GCLM: variants seen among roughly 807,000 people sequenced by gnomAD.
The protein encoded by GCLM is glutamate--cysteine ligase regulatory subunit.
In GCLM, 15 loss-of-function variants were observed where a neutral mutation model predicts 36.0. The observed-to-expected ratio is 0.42, with a 90% CI of 0.28 to 0.64. GCLM has a LOEUF of 0.64. GCLM is among the 30% of genes least tolerant of loss of function. GCLM has a pLI of 0.25. For synonymous variants in GCLM, 129 were observed against 122.8 expected (o/e 1.05, Z -0.34); for missense variants, 242 against 325.5 (o/e 0.74, Z 1.97).
intron 4 of GCLM, among the ~76,000 whole-genome samples, chr1:93,897,479 C>A (rs188865233): frequency 3.4e-4 from 51 of 150,584 alleles, no homozygotes; most frequent in Non-Finnish European, 4.6e-4. Flanking sequence ...TCACAATAAC[C>A]TAAGTGCTAA....
rs34212520 is a variant in GCLM, at chr1:93,886,125, C to G, written c.*2865G>C. On this transcript the variant is annotated 3_prime_UTR_variant, in exon 7 of 7. Coordinates refer to ENST00000370238, the MANE Select transcript of GCLM (RefSeq NM_002061.4). ...TTCATGGATGGGAATTCAAGATAGA[C>G]TCATAACAGAACAAATTCCAAGTTA... 3.3e-5 allele frequency: 5 copies of G among 151,994 alleles called. No individual in the cohort carries two copies. Among genetic ancestry groups the G allele is most frequent in the Admixed American group, 3.3e-4 (5 of 15,264 alleles). 9.4% of individuals were successfully genotyped at this position (151,994 alleles called of 1,614,324 possible).
intron 5 of GCLM, among the ~76,000 whole-genome samples, chr1:93,896,257 G>A (rs757452219): frequency 3.9e-5 from 6 of 151,946 alleles, no homozygotes; most frequent in African/African-American, 9.7e-5. Flanking sequence ...CACCACACCC[G>A]GCCGTAAGGT....
chr1:93,898,896 C>A (rs1305476896), intron 3 of GCLM, among the ~76,000 whole-genome samples: 1 of 152,124 alleles, frequency 6.6e-6, no homozygotes, highest in African/African-American at 2.4e-5. Context: ...AGCACCACAC[C>A]AGGCCAAGAT....
Position 93,885,823 on chromosome 1 carries a change from A to C in GCLM, c.*3167T>G, listed in dbSNP as rs779602689. On this transcript the variant is annotated 3_prime_UTR_variant, in exon 7 of 7. Coordinates refer to ENST00000370238, the MANE Select transcript of GCLM (RefSeq NM_002061.4). ...TGAAAAATCTAGAAAGACAGTGTTA[A>C]AGGAGCATAATTAAATGAACCTTAG... 1.3e-5 allele frequency: 2 copies of C among 152,204 alleles called. No homozygotes were observed. The highest frequency in any genetic ancestry group is 4.8e-5 in the African/African-American group (2 of 41,464). 9.4% of individuals were successfully genotyped at this position (152,204 alleles called of 1,614,324 possible). A position where few individuals can be genotyped will look rare whatever the true frequency, so the allele number is the denominator to read the frequency against.
Position 93,909,211 on chromosome 1 carries a change from G to C in GCLM, c.-48C>G, listed in dbSNP as rs1657270650. Reference sequence around the variant, plus strand: ...CGCAGCGAAGGGGCTGCGGGCGGGCGGGCAGGCAGGCGGCCGCCCCACAGG... The same window carrying C: ...CGCAGCGAAGGGGCTGCGGGCGGGCCGGCAGGCAGGCGGCCGCCCCACAGG... On this transcript the variant is annotated 5_prime_UTR_variant, in exon 1 of 7. Transcript: ENST00000370238. The C allele has an allele frequency of 1.7e-6, 2 of 1,151,748 alleles. No individual in the cohort carries two copies. Among genetic ancestry groups the C allele is most frequent in the African/African-American group, 1.6e-5 (1 of 61,590 alleles). The allele number at this position is 1,151,748 out of a possible 1,614,324, so 71.3% of individuals were successfully genotyped here.
chr1:93,900,786 C>T (rs1029622183), intron 3 of GCLM, among the ~76,000 whole-genome samples: 2 of 152,120 alleles, frequency 1.3e-5, no homozygotes, highest in Non-Finnish European at 1.5e-5. Context: ...GCAACAACCA[C>T]AATAATAACA....
intron 3 of GCLM, 45 bp downstream of exon 3, chr1:93,901,540 C>G: frequency 1.0e-6 from 1 of 976,974 alleles, no homozygotes; most frequent in Non-Finnish European, 1.6e-6. Context: ...CAAAATCTAT[C>G]GCTTCCGCTA....
Position 93,909,225 on chromosome 1 carries a change from C to A in GCLM, c.-62G>T. ...TGCGGGCGGGCGGGCAGGCAGGCGG[C>A]CGCCCCACAGGACGCGGTGCCCGAG... On this transcript the variant is annotated 5_prime_UTR_variant, in exon 1 of 7. Transcript: ENST00000370238. The A allele has an allele frequency of 1.8e-6, 2 of 1,127,118 alleles. No homozygotes were observed. The highest frequency in any genetic ancestry group is 4.3e-5 in the South Asian group (1 of 23,220). 69.8% of individuals were successfully genotyped at this position (1,127,118 alleles called of 1,614,324 possible).
chr1:93,891,990 A>G (rs1354377977), intron 6 of GCLM, among the ~76,000 whole-genome samples: 1 of 152,170 alleles, frequency 6.6e-6, no homozygotes, highest in Non-Finnish European at 1.5e-5. Flanking sequence ...CCACTAGTAA[A>G]TGGTAGTTTT....
chr1:93,905,575 C>CT (rs2100928016), intron 1 of GCLM, among the ~76,000 whole-genome samples: 1 of 152,238 alleles, frequency 6.6e-6, no homozygotes, highest in South Asian at 2.1e-4. Flanking sequence ...AGGTGCACCT[C>CT]TAACCTATCT....
At chr1:93,895,241 C>A (rs1056108167) in intron 5 of GCLM, among the ~76,000 whole-genome samples, 3 of 151,948 alleles carry the variant, frequency 2.0e-5, no homozygotes, top group African/African-American at 7.2e-5. Flanking sequence ...GTCTTGAACT[C>A]CTGACCTCAG....
chr1:93,905,616 T>A lies in GCLM; in HGVS notation c.127-1028A>T, dbSNP rs567339243. 1.3e-3 allele frequency among the ~76,000 whole-genome samples: 204 copies of A among 152,256 alleles called. 3 individuals carry two copies. The highest frequency in any genetic ancestry group is 1.4e-3 in the Non-Finnish European group (92 of 68,020). Reference sequence around the variant, plus strand: ...GTTTTCTTAGATAAACAAAAAAAAATTTATACAAATATTATAGTATGTTGT... The same window carrying A: ...GTTTTCTTAGATAAACAAAAAAAAAATTATACAAATATTATAGTATGTTGT... On this transcript the variant is annotated intron_variant, in intron 1 of 6. Transcript: ENST00000370238.
chr1:93,898,303 GAAAAAAA>G (rs58007552), intron 3 of GCLM, among the ~76,000 whole-genome samples: 4 of 16,442 alleles, frequency 2.4e-4, no homozygotes, highest in African/African-American at 3.8e-4. Flanking sequence ...GAAGAAAACT[GAAAAAAA>G]AAAAAAAAAA....
chr1:93,898,820 C>T (rs867075698), intron 3 of GCLM, among the ~76,000 whole-genome samples: 1 of 151,974 alleles, frequency 6.6e-6, no homozygotes, highest in Non-Finnish European at 1.5e-5. Context: ...CACAGGGTCT[C>T]GATATGTTGC....
At chr1:93,908,981 C>T (rs1657253794) in intron 1 of GCLM, 57 bp downstream of exon 1, 1 of 1,359,580 alleles carries the variant, frequency 7.4e-7, no homozygotes, top group South Asian at 1.6e-5. Context: ...GCCGGAACCG[C>T]CCGGCCCCGC....
chr1:93,894,265 A>AAAT (rs17878712), intron 6 of GCLM, among the ~76,000 whole-genome samples: 66,975 of 151,110 alleles, frequency 0.44, 16,655 homozygotes, highest in African/African-American at 0.68. Context: ...TCTCAAAACT[A>AAAT]AAAAAATCAA....
chr1:93,899,549 T>G (rs1269501496), intron 3 of GCLM, among the ~76,000 whole-genome samples: 1 of 152,192 alleles, frequency 6.6e-6, no homozygotes, highest in Non-Finnish European at 1.5e-5. Context: ...AACTTTTTAT[T>G]CAGCATTATA....
At position 93,887,887 on chromosome 1, in the gene GCLM, T is replaced by C. The variant is rs1656380691; in HGVS notation, c.*1103A>G. On this transcript the variant is annotated 3_prime_UTR_variant, in exon 7 of 7. Transcript: ENST00000370238. ...CATAGCTTATTTATTTGCAATTTTG[T>C]GGTTCGTAAACTAATGAAGAATTAT... is the stretch of plus-strand genomic sequence containing the variant. The C allele has an allele frequency of 1.3e-5, 2 of 152,216 alleles. No homozygotes were observed. Among genetic ancestry groups the C allele is most frequent in the African/African-American group, 4.8e-5 (2 of 41,460 alleles). The allele number at this position is 152,216 out of a possible 1,614,324, so 9.4% of individuals were successfully genotyped here.
At chr1:93,898,965 G>GA (rs887768971) in intron 3 of GCLM, among the ~76,000 whole-genome samples, 8 of 152,098 alleles carry the variant, frequency 5.3e-5, no homozygotes, top group African/African-American at 2.4e-5. Context: ...TATAAAAGCA[G>GA]AAAGACCAAA....
Sources: gnomAD v4.1 joint callset for allele counts (sites outside exome capture counted in the v4.1 genomes callset) on GRCh38, gnomAD v4.1.1 for gene constraint, MANE v1.5 for transcripts, NCBI Gene and HGNC (gene_info 2026-07-23, HGNC 2026-07-21) for gene names.